The following RBFOX1 variants were observed in gnomAD, a reference collection of about 807,000 sequenced individuals.
RBFOX1 encodes RNA binding protein fox-1 homolog 1.
RBFOX1 carries 8 observed loss-of-function variants against 57.7 expected under a neutral mutation model. The ratio of observed to expected loss-of-function variants is 0.14; its 90% CI spans 0.08 to 0.25. The LOEUF (loss-of-function observed/expected upper bound fraction) is 0.25, where lower values mean the gene tolerates loss of function less well. Ranked by LOEUF, RBFOX1 falls within the 10% of genes least tolerant of loss-of-function variation. The probability of loss-of-function intolerance (pLI) is 1.00; values close to 1 mark genes in which losing one functional copy is unlikely to be tolerated. For missense variants in RBFOX1, 611 were observed against 548.5 expected, an observed-to-expected ratio of 1.11 and a Z score of -1.14; for synonymous variants, 326 against 222.4, an observed-to-expected ratio of 1.47 and a Z score of -4.15.
At chr16:6,498,516 T>G (rs1339283325) in intron 2 of RBFOX1, among the ~76,000 whole-genome samples, 2 of 152,152 alleles carry the variant, frequency 1.3e-5, no homozygotes, top group Admixed American at 1.3e-4. Flanking sequence ...ATCAGGCCCT[T>G]TTAGACCCAT....
At chr16:6,954,815 C>G (rs1306239144) in intron 3 of RBFOX1, among the ~76,000 whole-genome samples, 1 of 152,134 alleles carries the variant, frequency 6.6e-6, no homozygotes, top group Non-Finnish European at 1.5e-5. Context: ...GGGTTCGAAC[C>G]TCATTTCTGT....
At chr16:6,784,046 C>T (rs1263673978) in intron 3 of RBFOX1, among the ~76,000 whole-genome samples, 2 of 152,052 alleles carry the variant, frequency 1.3e-5, no homozygotes, top group South Asian at 2.1e-4. Flanking sequence ...TGCTTATTTT[C>T]TCCTGCTACT....
intron 4 of RBFOX1, among the ~76,000 whole-genome samples, chr16:5,993,170 T>C (rs2060431080): frequency 6.6e-6 from 1 of 152,184 alleles, no homozygotes; most frequent in Non-Finnish European, 1.5e-5. Context: ...TCTGTCCACT[T>C]ACACATGATA....
intron 2 of RBFOX1, among the ~76,000 whole-genome samples, chr16:6,345,935 C>G (rs576852242): frequency 3.7e-4 from 57 of 152,062 alleles, no homozygotes; most frequent in African/African-American, 1.2e-3. Context: ...CAGGACAACT[C>G]GAAACAAAGG....
intron 2 of RBFOX1, among the ~76,000 whole-genome samples, chr16:6,641,577 A>T (rs2098488252): frequency 6.6e-6 from 1 of 151,884 alleles, no homozygotes; most frequent in African/African-American, 2.4e-5. Context: ...TCTACTAGAA[A>T]TACAAAAGTT....
intron 3 of RBFOX1, among the ~76,000 whole-genome samples, chr16:6,901,513 A>G (rs1047966764): frequency 6.6e-6 from 1 of 152,152 alleles, no homozygotes; most frequent in Non-Finnish European, 1.5e-5. Context: ...AATGACAGCA[A>G]GTTCATGTCT....
chr16:7,151,360 T>C (rs991092940), intron 4 of RBFOX1, among the ~76,000 whole-genome samples: 1 of 152,172 alleles, frequency 6.6e-6, no homozygotes, highest in Non-Finnish European at 1.5e-5. Flanking sequence ...TATTGGCTCA[T>C]GAAATTAGGA....
In RBFOX1 at chr16:7,195,275, A is replaced by C. The variant is rs962871148; in HGVS notation, c.27+143177A>C. Among the ~76,000 whole-genome samples the C allele has an allele frequency of 2.6e-5, 4 of 152,186 alleles. No individual in the cohort carries two copies. The East Asian group carries it at 7.7e-4, about 29-fold the overall frequency. On this transcript the variant is annotated intron_variant, in intron 4 of 15. Transcript: ENST00000550418. ...GGCTGAGCCTCATTCTCTTAAATTAATTTCATCACACAGGCTTGCAAAATA... is the reference window on the plus strand; with the variant it reads ...GGCTGAGCCTCATTCTCTTAAATTACTTTCATCACACAGGCTTGCAAAATA...
At chr16:7,343,196 C>T (rs1331191600) in intron 4 of RBFOX1, among the ~76,000 whole-genome samples, 4 of 152,182 alleles carry the variant, frequency 2.6e-5, no homozygotes, top group Admixed American at 2.6e-4. Context: ...TCTGTCAGTG[C>T]CCGGTGGCAA....
At chr16:7,025,809 A>C (rs985938830) in intron 3 of RBFOX1, among the ~76,000 whole-genome samples, 7 of 152,130 alleles carry the variant, frequency 4.6e-5, no homozygotes, top group African/African-American at 1.7e-4. Context: ...CAGGGATTCA[A>C]ACTGGAGCAG....
intron 3 of RBFOX1, among the ~76,000 whole-genome samples, chr16:6,967,870 G>T (rs1336147704): frequency 2.0e-5 from 3 of 152,152 alleles, no homozygotes. Flanking sequence ...GAATTGGGTT[G>T]TCAGTCTGAA....
At chr16:5,349,933 C>T (rs1315151147) in intron 1 of RBFOX1, among the ~76,000 whole-genome samples, 1 of 152,184 alleles carries the variant, frequency 6.6e-6, no homozygotes, top group East Asian at 1.9e-4. Context: ...TGCTCCTTCC[C>T]AGCACAAGGC....
At chr16:5,324,377 C>T (rs1246351586) in intron 1 of RBFOX1, among the ~76,000 whole-genome samples, 1 of 152,168 alleles carries the variant, frequency 6.6e-6, no homozygotes, top group African/African-American at 2.4e-5. Context: ...GCAGGAGAAT[C>T]ACTTGAACCC....
intron 4 of RBFOX1, among the ~76,000 whole-genome samples, chr16:7,494,212 G>A (rs767945345): frequency 2.6e-5 from 4 of 152,184 alleles, no homozygotes; most frequent in Non-Finnish European, 2.9e-5. Flanking sequence ...TTTGAGCATG[G>A]TGGTCAGATG....
intron 15 of RBFOX1, chr16:7,709,352 G>T (rs911407229): frequency 1.2e-5 from 12 of 1,006,800 alleles, no homozygotes; most frequent in East Asian, 1.1e-4. Context: ...TTCTAATTTT[G>T]CAAGTCTCAC....
At chr16:6,567,963 G>A (rs2097290795) in intron 2 of RBFOX1, among the ~76,000 whole-genome samples, 1 of 152,116 alleles carries the variant, frequency 6.6e-6, no homozygotes, top group Admixed American at 6.5e-5. Flanking sequence ...TGGGACTACA[G>A]GCGCATGCCA....
At chr16:7,184,200 G>C (rs938408555) in intron 4 of RBFOX1, among the ~76,000 whole-genome samples, 1 of 152,198 alleles carries the variant, frequency 6.6e-6, no homozygotes, top group African/African-American at 2.4e-5. Flanking sequence ...AACAAGTGGA[G>C]AGAAGGAAGT....
chr16:6,354,361 C>T (rs1466267297), intron 2 of RBFOX1, among the ~76,000 whole-genome samples: 1 of 152,192 alleles, frequency 6.6e-6, no homozygotes, highest in East Asian at 1.9e-4. Flanking sequence ...CTGCTCTCCA[C>T]CCTATCTTCG....
intron 3 of RBFOX1, among the ~76,000 whole-genome samples, chr16:5,795,110 A>C (rs1420382594): frequency 6.6e-6 from 1 of 152,078 alleles, no homozygotes; most frequent in Non-Finnish European, 1.5e-5. Context: ...AGAAATACCT[A>C]CCTTATTATA....
Sources: gnomAD v4.1 joint callset for allele counts (sites outside exome capture counted in the v4.1 genomes callset) on GRCh38, gnomAD v4.1.1 for gene constraint, MANE v1.5 for transcripts, NCBI Gene and HGNC (gene_info 2026-07-23, HGNC 2026-07-21) for gene names.